Variants in ZEB2 observed in about 807,000 individuals in gnomAD.
ZEB2 encodes zinc finger E-box binding homeobox 2.
ZEB2 carries 6 observed loss-of-function variants against 99.9 expected under a neutral mutation model. That is an observed-to-expected ratio of 0.06 (90% confidence interval 0.03 to 0.12). The LOEUF (loss-of-function observed/expected upper bound fraction) is 0.12. Ranked by LOEUF, ZEB2 falls within the 10% of genes least tolerant of loss-of-function variation. The pLI is 1.00. For synonymous variants in ZEB2, 517 were observed against 542.5 expected (o/e 0.95, Z 0.65); for missense variants, 969 against 1,502.8 (o/e 0.64, Z 5.87).
At chr2:144,459,581 C>T (rs538847671) in intron 2 of ZEB2, among the ~76,000 whole-genome samples, 1 of 152,248 alleles carries the variant, frequency 6.6e-6, no homozygotes, top group African/African-American at 2.4e-5. Context: ...AAATTTCCTG[C>T]TGTCTTATCA....
chr2:144,493,045 G>A (rs569663447), intron 2 of ZEB2, among the ~76,000 whole-genome samples: 21 of 152,088 alleles, frequency 1.4e-4, no homozygotes, highest in Non-Finnish European at 2.8e-4. Flanking sequence ...AGGAGATGCT[G>A]TTTCTATAAG....
intron 2 of ZEB2, among the ~76,000 whole-genome samples, chr2:144,452,083 C>T (rs796849781): frequency 8.5e-5 from 13 of 152,282 alleles, no homozygotes; most frequent in African/African-American, 3.1e-4. Context: ...TTCTAATGAG[C>T]TCCACTCACT....
intron 1 of ZEB2, 163 bp from the exon 2 acceptor site, chr2:144,517,582 C>T: frequency 1.9e-6 from 1 of 516,476 alleles, no homozygotes; most frequent in Non-Finnish European, 3.7e-6. Context: ...CACCCCCAGC[C>T]TTGGCCCCGA....
intron 2 of ZEB2, among the ~76,000 whole-genome samples, chr2:144,477,397 A>G (rs1704445235): frequency 6.6e-6 from 1 of 152,222 alleles, no homozygotes; most frequent in Non-Finnish European, 1.5e-5. Flanking sequence ...TGGTTTCTGC[A>G]TAATTTTTTT....
chr2:144,512,435 T>A, intron 2 of ZEB2: 7 of 1,287,276 alleles, frequency 5.4e-6, no homozygotes, highest in Non-Finnish European at 7.1e-6. Context: ...CCAGGAAATA[T>A]TCTTAATATG....
At position 144,512,338 on chromosome 2, in the gene ZEB2, A is replaced by AT. The variant is rs774539550; in HGVS notation, c.73+4939_73+4940insA. The AT allele has an allele frequency of 1.2e-5, 16 of 1,287,140 alleles. No homozygotes were observed. The South Asian group carries it at 1.9e-4, about 15-fold the overall frequency. 79.7% of individuals were successfully genotyped at this position (1,287,140 alleles called of 1,614,324 possible). A position where few individuals can be genotyped will look rare whatever the true frequency, so the allele number is the denominator to read the frequency against. On this transcript the variant is annotated intron_variant, in intron 2 of 9. Coordinates refer to ENST00000627532, the MANE Select transcript of ZEB2 (RefSeq NM_014795.4). Reference sequence around the variant, plus strand: ...TGACAAAAACTGTTGCAAGGAAAAGAATCTCCCACATCTTAGAATAAACGC... The same window carrying AT: ...TGACAAAAACTGTTGCAAGGAAAAGATATCTCCCACATCTTAGAATAAACGC...
chr2:144,439,012 C>A (rs1213996774), intron 2 of ZEB2, among the ~76,000 whole-genome samples: 2 of 151,494 alleles, frequency 1.3e-5, no homozygotes, highest in Admixed American at 6.6e-5. Context: ...ATGTGTAAAC[C>A]AAACAATGTG....
chr2:144,443,863 A>T (rs1703949333), intron 2 of ZEB2, among the ~76,000 whole-genome samples: 1 of 134,552 alleles, frequency 7.4e-6, no homozygotes, highest in South Asian at 2.6e-4. Flanking sequence ...AATGTATTTA[A>T]AAAAAAAAAA....
intron 2 of ZEB2, among the ~76,000 whole-genome samples, chr2:144,452,469 C>A (rs530304246): frequency 2.0e-5 from 3 of 152,154 alleles, no homozygotes; most frequent in Non-Finnish European, 1.5e-5. Flanking sequence ...AGCATCACCA[C>A]AAAAGGCTAA....
In ZEB2 at chr2:144,385,987, T is replaced by C. The variant is rs1703077829; in HGVS notation, c.*3464A>G. 1 of 152,204 alleles carries C rather than the reference T, an allele frequency of 6.6e-6. No homozygotes were observed. The highest frequency in any genetic ancestry group is 2.1e-4 in the South Asian group (1 of 4,830). The allele number at this position is 152,204 out of a possible 1,614,324, so 9.4% of individuals were successfully genotyped here. A position where few individuals can be genotyped will look rare whatever the true frequency, so the allele number is the denominator to read the frequency against. The stretch of plus-strand genomic sequence containing the variant: ...GTTTTGTTTAGCTCTTGCGGAGAAA[T>C]TCTGATACGCATCTCTCTTCCCAGT... On this transcript the variant is annotated 3_prime_UTR_variant, in exon 10 of 10. Coordinates refer to ENST00000627532, the MANE Select transcript of ZEB2 (RefSeq NM_014795.4).
chr2:144,455,365 T>C (rs1022901133), intron 2 of ZEB2, among the ~76,000 whole-genome samples: 1 of 152,170 alleles, frequency 6.6e-6, no homozygotes, highest in Non-Finnish European at 1.5e-5. Flanking sequence ...ACCTGCACAC[T>C]GTTTTGAATT....
intron 1 of ZEB2, chr2:144,517,844 T>G (rs1485130779): frequency 2.1e-5 from 10 of 475,956 alleles, no homozygotes; most frequent in East Asian, 3.6e-5. Context: ...CACCCCCCAA[T>G]TCCCAGAGGA....
intron 4 of ZEB2, among the ~76,000 whole-genome samples, chr2:144,411,252 C>G (rs771296516): frequency 3.3e-5 from 5 of 151,320 alleles, no homozygotes; most frequent in Non-Finnish European, 7.4e-5. Context: ...CCTGAAGAAG[C>G]AATTACAAAT....
In ZEB2 at chr2:144,396,524, A is replaced by G. The variant is rs201516486; in HGVS notation, c.2955T>C (p.Cys985=). 1 of 1,614,112 alleles carries G rather than the reference A, an allele frequency of 6.2e-7. No individual in the cohort carries two copies. The highest frequency in any genetic ancestry group is 8.5e-7 in the Non-Finnish European group (1 of 1,179,986). The change falls in exon 9 of 10, where the codon TGT becomes TGC. Residue 985 remains cysteine (C), a synonymous_variant. Coordinates refer to ENST00000627532, the MANE Select transcript of ZEB2 (RefSeq NM_014795.4). ...TCTTCTTGATCTTTTTGCGAGACAG[A>G]CAGGAGTCGGAGTCTGTCATATCAT... The part of the protein sequence containing the change: ...GLDDMTDSDS[C]LSRKKIKKTE...
chr2:144,518,574 AAGTG>A (rs1705208614), intron 1 of ZEB2: 1 of 152,238 alleles, frequency 6.6e-6, no homozygotes, highest in Non-Finnish European at 1.5e-5. Flanking sequence ...AAAACCTGGA[AAGTG>A]AGTATCAGTT....
At chr2:144,504,252 G>C (rs1231363101) in intron 2 of ZEB2, 1 of 152,182 alleles carries the variant, frequency 6.6e-6, no homozygotes, top group Non-Finnish European at 1.5e-5. Context: ...GATTAAGTGA[G>C]AGCAAACCCC....
chr2:144,478,394 G>A lies in ZEB2; in HGVS notation c.73+38884C>T, dbSNP rs146347484. On this transcript the variant is annotated intron_variant, in intron 2 of 9. Transcript: ENST00000627532. ...GAGCACTTCGTACCCACTGTGAAAT[G>A]TCTCTTATGTGGAAATTATTTCAGA... Among the ~76,000 whole-genome samples the A allele has an allele frequency of 1.3e-3, 195 of 152,346 alleles. 1 individual carries two copies. Among genetic ancestry groups the A allele is most frequent in the African/African-American group, 4.5e-3 (188 of 41,572 alleles).
chr2:144,406,802 T>A (rs796796339), intron 4 of ZEB2, among the ~76,000 whole-genome samples: 17 of 152,316 alleles, frequency 1.1e-4, no homozygotes, highest in African/African-American at 3.8e-4. Flanking sequence ...TTGGCTATAG[T>A]ATGATAGGGA....
chr2:144,497,210 G>C (rs1704774642), intron 2 of ZEB2, among the ~76,000 whole-genome samples: 1 of 152,070 alleles, frequency 6.6e-6, no homozygotes. Context: ...CCTTCTCCCA[G>C]ATCTAGTTGT....
Sources: allele counts gnomAD v4.1 joint callset (sites outside exome capture counted in the v4.1 genomes callset), GRCh38; gene constraint gnomAD v4.1.1; transcripts MANE v1.5; gene names NCBI Gene and HGNC (gene_info 2026-07-23, HGNC 2026-07-21).